The following CCSER2 variants were observed in gnomAD, a reference collection of about 807,000 sequenced individuals.
CCSER2 encodes the protein serine-rich coiled-coil domain-containing protein 2.
CCSER2 carries 46 observed loss-of-function variants against 92.3 expected under a neutral mutation model. That is an observed-to-expected ratio of 0.50 (90% confidence interval 0.39 to 0.64). The LOEUF is 0.64. Ranked by LOEUF, CCSER2 falls within the 30% of genes least tolerant of loss-of-function variation. The pLI, the probability that CCSER2 is intolerant of heterozygous loss-of-function variation, is 0.00. For missense variants in CCSER2, 1,244 were observed against 1,238.9 expected (o/e 1.00, Z -0.06); for synonymous variants, 433 against 431.4 (o/e 1.00, Z -0.04).
chr10:84,490,921 G>A (rs1229601995), intron 9 of CCSER2, among the ~76,000 whole-genome samples: 2 of 152,162 alleles, frequency 1.3e-5, no homozygotes, highest in East Asian at 3.9e-4. Flanking sequence ...GGATTTTGGT[G>A]TGGATGTCCT....
chr10:84,385,004 AACAC>A (rs56977232), intron 3 of CCSER2, among the ~76,000 whole-genome samples: 23 of 145,862 alleles, frequency 1.6e-4, no homozygotes, highest in South Asian at 4.4e-4. Context: ...ATTTACAATA[AACAC>A]ACACACACAC....
In CCSER2 at chr10:84,457,251, T is replaced by TAAA. The variant is rs1218677091; in HGVS notation, c.2065-6682_2065-6681insAAA. ...ATATAAATATATTATATATTATATA[T>TAAA]TATATAAAATATATTATATATAATA... On this transcript the variant is annotated intron_variant, in intron 6 of 9. Coordinates refer to ENST00000372088, the MANE Select transcript of CCSER2 (RefSeq NM_001284240.2). 3.2e-4 allele frequency among the ~76,000 whole-genome samples: 22 copies of TAAA among 68,636 alleles called. 1 individual carries two copies. The highest frequency in any genetic ancestry group is 7.4e-4 in the East Asian group (2 of 2,718). The allele number at this position is 68,636 out of a possible 152,430, so 45.0% of individuals were successfully genotyped here.
chr10:84,444,780 T>G (rs1456419233), intron 6 of CCSER2, among the ~76,000 whole-genome samples: 2 of 152,236 alleles, frequency 1.3e-5, no homozygotes, highest in African/African-American at 2.4e-5. Flanking sequence ...TTTAAAAAAT[T>G]GTAAACCATT....
chr10:84,498,287 G>A (rs1053907733), intron 9 of CCSER2, among the ~76,000 whole-genome samples: 1 of 152,220 alleles, frequency 6.6e-6, no homozygotes, highest in Non-Finnish European at 1.5e-5. Context: ...ATAACAGCAG[G>A]TAGTATCTAT....
intron 5 of CCSER2, among the ~76,000 whole-genome samples, chr10:84,432,830 AT>A (rs1404867562): frequency 2.0e-5 from 3 of 152,102 alleles, no homozygotes; most frequent in African/African-American, 7.2e-5. Context: ...CCCTTTTCAT[AT>A]TATAGGAATT....
chr10:84,405,793 A>C (rs74147556), intron 3 of CCSER2, among the ~76,000 whole-genome samples: 1 of 152,318 alleles, frequency 6.6e-6, no homozygotes, highest in African/African-American at 2.4e-5. Context: ...TACTGACAGT[A>C]ACTAAGGGCT....
At position 84,328,667 on chromosome 10, in the gene CCSER2, T is replaced by A. The variant is rs1051229755; in HGVS notation, c.-181T>A. ...GCGCTCCCTCAGGCCGCGGACGCGA[T>A]GCTGGTTGCTGCGGCTCGGGCGGCG... On this transcript the variant is annotated 5_prime_UTR_variant, in exon 1 of 10. It removes an upstream start codon present in the reference 5' UTR. Transcript: ENST00000372088. 8 of 150,690 alleles carry A rather than the reference T, an allele frequency of 5.3e-5. No homozygotes were observed. The highest frequency in any genetic ancestry group is 1.2e-4 in the Non-Finnish European group (8 of 67,634). The allele number at this position is 150,690 out of a possible 1,614,324, so 9.3% of individuals were successfully genotyped here.
In CCSER2 at chr10:84,513,993, A is replaced by T; in HGVS notation, c.2870A>T (p.Asn957Ile). The stretch of plus-strand genomic sequence containing the variant: ...AAGTCACCAATAATCACAACATGTA[A>T]TTCAGCAAAACTTCAGCCAACATCT... ...CKKSPIITTC[N>I]SAKLQPTSSQ... is the part of the protein sequence containing the mutation. The change falls in exon 10 of 10, where the codon AAT (asparagine) becomes ATT (isoleucine). Residue 957 changes from asparagine (N) to isoleucine (I), a missense_variant. Transcript: ENST00000372088. 1 of 1,536,710 alleles carries T rather than the reference A, an allele frequency of 6.5e-7. No individual in the cohort carries two copies.
intron 8 of CCSER2, 106 bp downstream of exon 8, chr10:84,470,564 A>G (rs1314943924): frequency 3.2e-6 from 3 of 947,804 alleles, no homozygotes; most frequent in Non-Finnish European, 4.2e-6. Flanking sequence ...TTGGCTCTCA[A>G]AGTTGCACTT....
rs776493010 is a variant in CCSER2 at position 84,417,774 on chromosome 10, A to C, written c.1618A>C (p.Ile540Leu). 1 of 1,517,442 alleles carries C rather than the reference A, an allele frequency of 6.6e-7. No individual in the cohort carries two copies. The allele number at this position is 1,517,442 out of a possible 1,614,324, so 94.0% of individuals were successfully genotyped here. A position where few individuals can be genotyped will look rare whatever the true frequency, so the allele number is the denominator to read the frequency against. ...YESSEMNSID[I>L]LNNLESCDLE... ...TTTTTACTGCTTTTGTTCACAGGAT[A>C]TTTTGAATAATCTTGAATCATGTGA... Residue 540 changes from isoleucine to leucine, a missense_variant, in exon 4 of 10, where the codon ATT becomes CTT. Transcript: ENST00000372088.
intron 1 of CCSER2, among the ~76,000 whole-genome samples, chr10:84,365,884 T>A (rs533618609): frequency 6.6e-6 from 1 of 152,320 alleles, no homozygotes; most frequent in Non-Finnish European, 1.5e-5. Flanking sequence ...ATGACCCTAA[T>A]ATGTAATATC....
chr10:84,443,871 T>C (rs1386832759), intron 6 of CCSER2, among the ~76,000 whole-genome samples: 1 of 152,140 alleles, frequency 6.6e-6, no homozygotes, highest in Non-Finnish European at 1.5e-5. Context: ...AAACCATCAT[T>C]CTTAGCAAGC....
Position 84,372,018 on chromosome 10 carries a change from A to G in CCSER2, c.966A>G (p.Leu322=), listed in dbSNP as rs935566156. ...TLGYRMVHPS[L]LKSSRSPFSG... is the part of the protein sequence containing the mutation. ...GTTATAGAATGGTTCATCCCTCTCT[A>G]CTGAAATCTAGCCGATCTCCATTTT... The change falls in exon 2 of 10, where the codon CTA becomes CTG. Residue 322 remains leucine, a synonymous_variant. Transcript: ENST00000372088. 6 of 1,613,700 alleles carry G rather than the reference A, an allele frequency of 3.7e-6. No homozygotes were observed. The highest frequency in any genetic ancestry group is 4.2e-6 in the Non-Finnish European group (5 of 1,179,846).
rs928579992 is a variant in CCSER2, at chr10:84,515,128, G to A, written c.*861G>A. 2.6e-5 allele frequency: 4 copies of A among 152,502 alleles called. No homozygotes were observed. Among genetic ancestry groups the A allele is most frequent in the African/African-American group, 9.7e-5 (4 of 41,416 alleles). The allele number at this position is 152,502 out of a possible 1,614,324, so 9.4% of individuals were successfully genotyped here. A position where few individuals can be genotyped will look rare whatever the true frequency, so the allele number is the denominator to read the frequency against. On this transcript the variant is annotated 3_prime_UTR_variant, in exon 10 of 10. Coordinates refer to ENST00000372088, the MANE Select transcript of CCSER2 (RefSeq NM_001284240.2). ...TGGTAATTCAGGCTTGAACCCTTAG[G>A]CTTGTGGATCCATGATAGCCATTTT... is the stretch of plus-strand genomic sequence containing the variant.
At chr10:84,363,750 C>T (rs1845634822) in intron 1 of CCSER2, among the ~76,000 whole-genome samples, 1 of 152,120 alleles carries the variant, frequency 6.6e-6, no homozygotes, top group Non-Finnish European at 1.5e-5. Flanking sequence ...CTGACATTAG[C>T]CATTCAGTCC....
intron 1 of CCSER2, among the ~76,000 whole-genome samples, chr10:84,339,518 C>T (rs559816911): frequency 9.3e-5 from 14 of 151,196 alleles, no homozygotes; most frequent in Admixed American, 3.3e-4. Flanking sequence ...TCTTGTTGCC[C>T]AGGCTGGAGT....
At chr10:84,445,215 G>A (rs1844835866) in intron 6 of CCSER2, among the ~76,000 whole-genome samples, 1 of 152,060 alleles carries the variant, frequency 6.6e-6, no homozygotes, top group South Asian at 2.1e-4. Context: ...GTGCAGTGGT[G>A]CAGTCTCGGC....
intron 3 of CCSER2, among the ~76,000 whole-genome samples, chr10:84,396,120 G>A (rs1419569994): frequency 6.6e-6 from 1 of 151,602 alleles, no homozygotes; most frequent in Non-Finnish European, 1.5e-5. Flanking sequence ...TTATTTTTAA[G>A]CCTTTTCTCA....
At chr10:84,467,827 G>C (rs1191714869) in intron 7 of CCSER2, among the ~76,000 whole-genome samples, 1 of 152,140 alleles carries the variant, frequency 6.6e-6, no homozygotes, top group Non-Finnish European at 1.5e-5. Flanking sequence ...CACATGCAGT[G>C]AATTGCCAAA....
Sources: allele counts gnomAD v4.1 joint callset (sites outside exome capture counted in the v4.1 genomes callset), GRCh38; gene constraint gnomAD v4.1.1; transcripts MANE v1.5; gene names NCBI Gene and HGNC (gene_info 2026-07-23, HGNC 2026-07-21).